ULK4: variants seen among roughly 807,000 people sequenced by gnomAD.
The protein encoded by ULK4 is inactive serine/threonine-protein kinase ULK4.
In ULK4, 133 loss-of-function variants were observed where a neutral mutation model predicts 160.6. The ratio of observed to expected loss-of-function variants is 0.83; its 90% confidence interval spans 0.72 to 0.96. ULK4 has a LOEUF of 0.96. ULK4 is among the 40% of genes least tolerant of loss of function. ULK4 has a pLI of 0.00. For missense variants in ULK4, 1,580 were observed against 1,499.5 expected (o/e 1.05, Z -0.89); for synonymous variants, 534 against 539.8 (o/e 0.99, Z 0.15).
intron 16 of ULK4, among the ~76,000 whole-genome samples, chr3:41,891,207 G>A (rs1403631004): frequency 2.7e-3 from 6 of 2,242 alleles, no homozygotes; most frequent in African/African-American, 2.9e-3. Context: ...GGATGGGAGC[G>A]GGGAAAGAAG....
At chr3:41,715,420 TC>T in intron 24 of ULK4, 26 bp downstream of exon 24, 1 of 1,613,922 alleles carries the variant, frequency 6.2e-7, no homozygotes, top group Non-Finnish European at 8.5e-7. Context: ...CAAATTTATA[TC>T]CTTTTCCTCC....
chr3:41,501,870 C>G, intron 32 of ULK4, among the ~76,000 whole-genome samples: 1 of 152,120 alleles, frequency 6.6e-6, no homozygotes. Context: ...ACCATAATAC[C>G]TGGTAACCAC....
At chr3:41,280,872 C>T (rs2079338003) in intron 35 of ULK4, among the ~76,000 whole-genome samples, 1 of 152,090 alleles carries the variant, frequency 6.6e-6, no homozygotes, top group South Asian at 2.1e-4. Flanking sequence ...AATCCAGGAG[C>T]TGGTTTTTTG....
rs530199091 is a variant in ULK4 at position 41,456,686 on chromosome 3, T to C, written c.3394-1091A>G. Among the ~76,000 whole-genome samples, 8 of 152,326 alleles carry C rather than the reference T, an allele frequency of 5.3e-5. No individual in the cohort carries two copies. In the South Asian group the frequency reaches 1.0e-3, roughly 20 times the overall value. ...ATTATTTTTTCCATTTGCTATAATA[T>C]GTAGACGCCCTTCCTCTCTGTTTTT... On this transcript the variant is annotated intron_variant, in intron 33 of 36. Transcript: ENST00000301831.
At chr3:41,641,921 G>C (rs1245404457) in intron 30 of ULK4, among the ~76,000 whole-genome samples, 25 of 149,822 alleles carry the variant, frequency 1.7e-4, no homozygotes, top group South Asian at 2.1e-4. Flanking sequence ...TGCTGCCCAG[G>C]CTGGAGTGCA....
chr3:41,256,520 A>G (rs2078837159), intron 35 of ULK4, among the ~76,000 whole-genome samples: 1 of 152,220 alleles, frequency 6.6e-6, no homozygotes, highest in Non-Finnish European at 1.5e-5. Context: ...TGCTAGAACA[A>G]ATGGATGCGC....
intron 21 of ULK4, among the ~76,000 whole-genome samples, chr3:41,785,822 C>A (rs1477258688): frequency 6.6e-6 from 1 of 152,160 alleles, no homozygotes; most frequent in Non-Finnish European, 1.5e-5. Flanking sequence ...CCTACCTGAG[C>A]TGGGTCTTCT....
chr3:41,302,865 T>C (rs1013455164), intron 35 of ULK4, among the ~76,000 whole-genome samples: 15 of 152,214 alleles, frequency 9.9e-5, no homozygotes, highest in Non-Finnish European at 1.8e-4. Context: ...AAATTTTAGA[T>C]AGACAAGTTT....
At chr3:41,436,032 G>T (rs574353675) in intron 34 of ULK4, among the ~76,000 whole-genome samples, 2 of 152,136 alleles carry the variant, frequency 1.3e-5, no homozygotes, top group Non-Finnish European at 2.9e-5. Context: ...AAGGTTTTTT[G>T]ACTTTATGAT....
chr3:41,760,160 C>G (rs964622996), intron 21 of ULK4, among the ~76,000 whole-genome samples: 1 of 152,008 alleles, frequency 6.6e-6, no homozygotes, highest in African/African-American at 2.4e-5. Flanking sequence ...AAATATGTAT[C>G]TGTCGAATAG....
intron 35 of ULK4, among the ~76,000 whole-genome samples, chr3:41,332,280 AT>A (rs1363374908): frequency 5.3e-5 from 8 of 152,230 alleles, no homozygotes; most frequent in Non-Finnish European, 1.2e-4. Context: ...AAAAGCACCG[AT>A]TATAAAGCAG....
chr3:41,781,873 A>G (rs1261808848), intron 21 of ULK4, among the ~76,000 whole-genome samples: 1 of 152,196 alleles, frequency 6.6e-6, no homozygotes, highest in African/African-American at 2.4e-5. Context: ...CGGGAGGCGG[A>G]GGTTGCAGTG....
At chr3:41,872,768 C>T (rs1197095541) in intron 17 of ULK4, among the ~76,000 whole-genome samples, 6 of 151,664 alleles carry the variant, frequency 4.0e-5, no homozygotes, top group Admixed American at 2.6e-4. Flanking sequence ...TAAATTCACA[C>T]CCCGATACAT....
chr3:41,540,092 T>C (rs1435115984), intron 32 of ULK4, among the ~76,000 whole-genome samples: 2 of 152,120 alleles, frequency 1.3e-5, no homozygotes, highest in African/African-American at 4.8e-5. Context: ...TATTATACTT[T>C]AAGTTCTGGG....
intron 34 of ULK4, among the ~76,000 whole-genome samples, chr3:41,403,011 G>A (rs112229175): frequency 0.029 from 4,445 of 152,112 alleles, 208 homozygotes; most frequent in African/African-American, 0.099. Context: ...TTAGCCGGGC[G>A]TGGTGGCACA....
intron 35 of ULK4, among the ~76,000 whole-genome samples, chr3:41,333,512 A>G: frequency 6.6e-6 from 1 of 152,126 alleles, no homozygotes; most frequent in Non-Finnish European, 1.5e-5. Context: ...CCTGGCCAGC[A>G]TTACTCTTTC....
intron 1 of ULK4, among the ~76,000 whole-genome samples, chr3:41,959,453 G>C (rs1290559714): frequency 6.6e-6 from 1 of 151,726 alleles, no homozygotes; most frequent in Non-Finnish European, 1.5e-5. Flanking sequence ...CTTGAACCCA[G>C]GAGGCACAGG....
intron 30 of ULK4, among the ~76,000 whole-genome samples, chr3:41,621,544 G>A (rs920695405): frequency 6.6e-6 from 1 of 152,158 alleles, no homozygotes; most frequent in African/African-American, 2.4e-5. Context: ...ATGGTGCTTG[G>A]AAAACTGGTT....
chr3:41,712,529 T>G (rs2037134946), intron 25 of ULK4, among the ~76,000 whole-genome samples: 1 of 152,202 alleles, frequency 6.6e-6, no homozygotes, highest in Admixed American at 6.5e-5. Flanking sequence ...AGACAATAGC[T>G]ACTGCATGAG....
Sources: gnomAD v4.1 joint callset for allele counts (sites outside exome capture counted in the v4.1 genomes callset) on GRCh38, gnomAD v4.1.1 for gene constraint, MANE v1.5 for transcripts, NCBI Gene and HGNC (gene_info 2026-07-23, HGNC 2026-07-21) for gene names.